The following SYNE3 variants were observed in gnomAD, a reference collection of about 807,000 sequenced individuals.
SYNE3 encodes the protein spectrin repeat containing nuclear envelope family member 3.
In SYNE3, 100 loss-of-function variants were observed where a neutral mutation model predicts 111.2. The observed-to-expected ratio is 0.90, with a 90% CI of 0.77 to 1.06. SYNE3 has a LOEUF of 1.06. SYNE3 is among the 50% of genes least tolerant of loss of function. The pLI is 0.00. For missense variants in SYNE3, 1,160 were observed against 1,240.3 expected, an observed-to-expected ratio of 0.94 and a Z score of 0.97; for synonymous variants, 547 against 533.9, an observed-to-expected ratio of 1.02 and a Z score of -0.34.
At chr14:95,443,107 A>C in intron 11 of SYNE3, 48 bp downstream of exon 11, 7 of 1,606,300 alleles carry the variant, frequency 4.4e-6, no homozygotes, top group African/African-American at 1.3e-5. Context: ...GTTGGATGAC[A>C]GGGGCCGGCT....
At chr14:95,460,367 GTTT>G (rs548346693) in intron 4 of SYNE3, among the ~76,000 whole-genome samples, 8,133 of 85,338 alleles carry the variant, frequency 0.095, 683 homozygotes, top group African/African-American at 0.27. Context: ...ACGATGCCTA[GTTT>G]TTTTTTTTTT....
chr14:95,455,608 C>T lies in SYNE3; in HGVS notation c.906G>A (p.Leu302=), dbSNP rs1218493204. The part of the protein sequence containing the change: ...PLGAEKITGE[L]EEMRKVLEKL... ...TCTCCAGAACTTTCCTCATCTCTTC[C>T]AGTTCTCCGGTGATCTTCTCTGCAC... The change falls in exon 6 of 18, where the codon CTG becomes CTA. Residue 302 remains leucine (L), a synonymous_variant. Coordinates refer to ENST00000682763, the MANE Select transcript of SYNE3 (RefSeq NM_152592.6). 5.0e-6 allele frequency: 8 copies of T among 1,614,076 alleles called. No individual in the cohort carries two copies. The highest frequency in any genetic ancestry group is 5.9e-6 in the Non-Finnish European group (7 of 1,180,044).
At chr14:95,429,694 C>T (rs1426080997) in intron 17 of SYNE3, among the ~76,000 whole-genome samples, 1 of 152,144 alleles carries the variant, frequency 6.6e-6, no homozygotes, top group Non-Finnish European at 1.5e-5. Context: ...TAAGCAGATT[C>T]TTTAGTCATT....
chr14:95,477,404 T>A (rs557225351), intron 1 of SYNE3, among the ~76,000 whole-genome samples: 5 of 152,220 alleles, frequency 3.3e-5, no homozygotes, highest in Admixed American at 1.3e-4. Context: ...AGTTTGTTTT[T>A]TTTTCCCTTA....
At chr14:95,494,102 G>A (rs1424106156) in intron 1 of SYNE3, among the ~76,000 whole-genome samples, 1 of 151,248 alleles carries the variant, frequency 6.6e-6, no homozygotes, top group East Asian at 1.9e-4. Flanking sequence ...GGAGTTTGAA[G>A]CCAGCCTGGG....
intron 8 of SYNE3, among the ~76,000 whole-genome samples, chr14:95,447,496 G>A (rs1297295107): frequency 6.6e-6 from 1 of 152,210 alleles, no homozygotes; most frequent in African/African-American, 2.4e-5. Context: ...CAAGGCAGAG[G>A]TGGACACTCC....
intron 15 of SYNE3, 68 bp from the exon 16 acceptor site, chr14:95,433,477 G>A: frequency 6.3e-7 from 1 of 1,576,106 alleles, no homozygotes; most frequent in Non-Finnish European, 8.6e-7. Context: ...GAATGGTAAG[G>A]ATGGGTCCAT....
At chr14:95,436,786 C>G in intron 15 of SYNE3, 34 bp downstream of exon 15, 2 of 1,610,626 alleles carry the variant, frequency 1.2e-6, no homozygotes, top group Non-Finnish European at 1.7e-6. Flanking sequence ...GGGTGCAAAC[C>G]TTATGGATGA....
At chr14:95,432,633 C>CTATTAT (rs3036482) in intron 16 of SYNE3, among the ~76,000 whole-genome samples, 3,475 of 142,440 alleles carry the variant, frequency 0.024, 49 homozygotes, top group Middle Eastern at 0.05. Context: ...ACTAGTTTTG[C>CTATTAT]TATTATTATT....
intron 2 of SYNE3, among the ~76,000 whole-genome samples, chr14:95,471,941 C>G (rs995853683): frequency 6.6e-6 from 1 of 152,126 alleles, no homozygotes; most frequent in Non-Finnish European, 1.5e-5. Context: ...ACCAGGTGAC[C>G]CCCAGCTGAG....
At chr14:95,458,266 T>G (rs1414414309) in intron 4 of SYNE3, among the ~76,000 whole-genome samples, 2 of 152,070 alleles carry the variant, frequency 1.3e-5, no homozygotes, top group Admixed American at 6.5e-5. Context: ...ATGATGTAGC[T>G]CTGTGGTCCA....
At position 95,418,736 on chromosome 14, in the gene SYNE3, G is replaced by A. The variant is rs535715194; in HGVS notation, c.2728-710C>T. On this transcript the variant is annotated intron_variant, in intron 17 of 17. Coordinates refer to ENST00000682763, the MANE Select transcript of SYNE3 (RefSeq NM_152592.6). ...ATCTCCCTCAGCCTCCCGGGTAGCTGGGATTACAGGCACCTGCCACCATGC... is the reference window on the plus strand; with the variant it reads ...ATCTCCCTCAGCCTCCCGGGTAGCTAGGATTACAGGCACCTGCCACCATGC... 8.9e-4 allele frequency among the ~76,000 whole-genome samples: 136 copies of A among 152,128 alleles called. 3 individuals are homozygous for A. The South Asian group carries it at 0.026, about 29-fold the overall frequency.
intron 1 of SYNE3, among the ~76,000 whole-genome samples, chr14:95,511,301 C>T (rs1278311036): frequency 6.6e-6 from 1 of 152,234 alleles, no homozygotes; most frequent in Non-Finnish European, 1.5e-5. Flanking sequence ...AAAGAAGATT[C>T]TAAGCACTGC....
At chr14:95,449,832 AG>A in intron 8 of SYNE3, 98 bp downstream of exon 8, 2 of 1,472,848 alleles carry the variant, frequency 1.4e-6, no homozygotes, top group Non-Finnish European at 1.8e-6. Flanking sequence ...AGATATCCGG[AG>A]GACCCGGAAA....
At position 95,495,141 on chromosome 14, in the gene SYNE3, GA is replaced by G. The variant is rs11427537; in HGVS notation, c.-14-19307del. Among the ~76,000 whole-genome samples the G allele has an allele frequency of 9.8e-3, 1,481 of 150,846 alleles. 16 individuals are homozygous for G. The highest frequency in any genetic ancestry group is 0.014 in the Non-Finnish European group (923 of 67,654). On this transcript the variant is annotated intron_variant, in intron 1 of 17. Coordinates refer to ENST00000682763, the MANE Select transcript of SYNE3 (RefSeq NM_152592.6). ...AAAAAAAGAAAGAAAAGAAAAGAAA[GA>G]AAAAAAAGGCCATGGGTTCAGATAG...
At chr14:95,438,714 C>T in intron 14 of SYNE3, 1 of 255,730 alleles carries the variant, frequency 3.9e-6, no homozygotes, top group Non-Finnish European at 7.6e-6. Flanking sequence ...CAGCAGGAAG[C>T]TTTCAGCCCC....
intron 15 of SYNE3, among the ~76,000 whole-genome samples, chr14:95,435,245 A>G (rs1417673405): frequency 6.6e-6 from 1 of 152,188 alleles, no homozygotes; most frequent in East Asian, 1.9e-4. Context: ...AAATAAGAAA[A>G]AAAAAAGATA....
Position 95,469,643 on chromosome 14 carries a change from C to T in SYNE3, c.145-1676G>A, listed in dbSNP as rs539191700. On this transcript the variant is annotated intron_variant, in intron 2 of 17. Transcript: ENST00000682763. ...GGAGGATCGCTTGAGCTTGGGAGGT[C>T]GAGGCTGCAGTGAGCCGTGATCAAA... is the stretch of plus-strand genomic sequence containing the variant. Among the ~76,000 whole-genome samples the T allele has an allele frequency of 3.3e-5, 5 of 151,548 alleles. No individual in the cohort carries two copies. In the East Asian group the frequency reaches 5.8e-4, roughly 18 times the overall value.
chr14:95,417,480 A>G lies in SYNE3; in HGVS notation c.*346T>C. 3.0e-6 allele frequency: 1 copy of G among 333,898 alleles called. No homozygotes were observed. 20.7% of individuals were successfully genotyped at this position (333,898 alleles called of 1,614,324 possible). A position where few individuals can be genotyped will look rare whatever the true frequency, so the allele number is the denominator to read the frequency against. ...CTAGGGTTGACTGCAGACCAAGTCA[A>G]CAATACCACAAAATCCCATTGGAGG... On this transcript the variant is annotated 3_prime_UTR_variant, in exon 18 of 18. Transcript: ENST00000682763.
Sources: gnomAD v4.1 joint callset for allele counts (sites outside exome capture counted in the v4.1 genomes callset) on GRCh38, gnomAD v4.1.1 for gene constraint, MANE v1.5 for transcripts, NCBI Gene and HGNC (gene_info 2026-07-23, HGNC 2026-07-21) for gene names.